Variants in INSYN2A observed in about 807,000 individuals in gnomAD.
INSYN2A encodes family with sequence similarity 196 member A.
A neutral mutation model predicts 39.4 loss-of-function variants in INSYN2A; 17 were observed. The observed-to-expected ratio is 0.43, with a 90% CI of 0.30 to 0.65. The LOEUF (loss-of-function observed/expected upper bound fraction) is 0.65, where lower values mean the gene tolerates loss of function less well. INSYN2A is among the 30% of genes least tolerant of loss of function. The pLI, the probability that INSYN2A is intolerant of heterozygous loss-of-function variation, is 0.14. For synonymous variants in INSYN2A, 255 were observed against 265.7 expected (o/e 0.96, Z 0.39); for missense variants, 595 against 631.2 (o/e 0.94, Z 0.61).
chr10:127,136,454 A>C lies in INSYN2A; in HGVS notation c.*1383T>G, dbSNP rs1268262293. On this transcript the variant is annotated 3_prime_UTR_variant, in exon 6 of 6. Coordinates refer to ENST00000522781, the MANE Select transcript of INSYN2A (RefSeq NM_001039762.3). ...AGACTAGGTTTTCCTGTATGCTCAC[A>C]AACTATTCAAAATTTAAGTTGTACA... The C allele has an allele frequency of 6.6e-6, 1 of 151,320 alleles. No homozygotes were observed. Among genetic ancestry groups the C allele is most frequent in the African/African-American group, 2.5e-5 (1 of 40,684 alleles). The allele number at this position is 151,320 out of a possible 1,614,324, so 9.4% of individuals were successfully genotyped here. A position where few individuals can be genotyped will look rare whatever the true frequency, so the allele number is the denominator to read the frequency against.
At chr10:127,188,976 G>A (rs542207761) in intron 2 of INSYN2A, among the ~76,000 whole-genome samples, 5 of 152,290 alleles carry the variant, frequency 3.3e-5, no homozygotes, top group East Asian at 3.9e-4. Context: ...GCACCACCAC[G>A]CTGCACTCCA....
At chr10:127,147,992 C>T (rs1379266490) in intron 5 of INSYN2A, among the ~76,000 whole-genome samples, 1 of 128,560 alleles carries the variant, frequency 7.8e-6, no homozygotes, top group Admixed American at 9.9e-5. Context: ...GATTGCACCA[C>T]TGCACTCCAG....
intron 4 of INSYN2A, among the ~76,000 whole-genome samples, chr10:127,169,986 AG>A (rs1226814328): frequency 2.0e-5 from 3 of 151,904 alleles, no homozygotes; most frequent in Non-Finnish European, 4.4e-5. Flanking sequence ...CCCTGAACTC[AG>A]GGGGTTCCTT....
intron 5 of INSYN2A, among the ~76,000 whole-genome samples, chr10:127,138,232 T>A (rs775522198): frequency 1.3e-4 from 20 of 152,226 alleles, no homozygotes; most frequent in Non-Finnish European, 4.4e-5. Flanking sequence ...CTTACTTGCT[T>A]CTGTAGGTGA....
chr10:127,185,562 A>G (rs2056155109), intron 2 of INSYN2A, among the ~76,000 whole-genome samples: 1 of 152,206 alleles, frequency 6.6e-6, no homozygotes, highest in African/African-American at 2.4e-5. Context: ...GAGATACAGC[A>G]AGAAGACTTA....
intron 1 of INSYN2A, 25 bp downstream of exon 1, chr10:127,195,971 AG>A (rs1202578778): frequency 6.6e-6 from 1 of 151,894 alleles, no homozygotes; most frequent in Non-Finnish European, 1.5e-5. Flanking sequence ...GGGGCGCGGG[AG>A]GAGGGCACGC....
At chr10:127,154,622 C>T (rs1223198771) in intron 4 of INSYN2A, among the ~76,000 whole-genome samples, 3 of 152,176 alleles carry the variant, frequency 2.0e-5, no homozygotes, top group Non-Finnish European at 2.9e-5. Flanking sequence ...AAATGCCAAG[C>T]CTTATGTTAG....
At chr10:127,152,146 C>T (rs2052559307) in intron 5 of INSYN2A, among the ~76,000 whole-genome samples, 2 of 152,194 alleles carry the variant, frequency 1.3e-5, no homozygotes, top group Non-Finnish European at 1.5e-5. Flanking sequence ...TGAGCTTTAG[C>T]TTCCAAACTA....
intron 2 of INSYN2A, among the ~76,000 whole-genome samples, chr10:127,189,349 C>A (rs1174653658): frequency 6.6e-6 from 1 of 152,176 alleles, no homozygotes. Context: ...CAGTAGTTGA[C>A]CTGCCCAGTG....
intron 5 of INSYN2A, among the ~76,000 whole-genome samples, chr10:127,144,682 A>G (rs966613027): frequency 2.0e-5 from 3 of 152,216 alleles, no homozygotes; most frequent in African/African-American, 7.2e-5. Context: ...TACATTAAAT[A>G]TATATGGATC....
intron 5 of INSYN2A, chr10:127,145,922 G>A (rs1354977477): frequency 2.0e-6 from 1 of 494,690 alleles, no homozygotes; most frequent in Non-Finnish European, 4.0e-6. Context: ...ATTCCTGCAG[G>A]AGGTCCCTTC....
At chr10:127,171,110 T>C (rs757083044) in intron 4 of INSYN2A, among the ~76,000 whole-genome samples, 6 of 152,314 alleles carry the variant, frequency 3.9e-5, no homozygotes, top group Non-Finnish European at 8.8e-5. Context: ...CTAGTTGATT[T>C]CAGACAAAAT....
rs1436172222 is a variant in INSYN2A at position 127,135,905 on chromosome 10, A to G, written c.*1932T>C. On this transcript the variant is annotated 3_prime_UTR_variant, in exon 6 of 6. Transcript: ENST00000522781. ...CATAAGGAGAGAGAACTTGTTGGAA[A>G]CATTTTTATAACTTTAGTTAAAAAC... The G allele has an allele frequency of 6.6e-6, 1 of 152,668 alleles. No individual in the cohort carries two copies. The highest frequency in any genetic ancestry group is 2.1e-4 in the South Asian group (1 of 4,838). 9.5% of individuals were successfully genotyped at this position (152,668 alleles called of 1,614,324 possible). A position where few individuals can be genotyped will look rare whatever the true frequency, so the allele number is the denominator to read the frequency against.
intron 5 of INSYN2A, among the ~76,000 whole-genome samples, chr10:127,140,992 A>G (rs2051187933): frequency 6.6e-6 from 1 of 152,142 alleles, no homozygotes; most frequent in South Asian, 2.1e-4. Flanking sequence ...GCTGCCCGGC[A>G]GACCTGTGGT....
intron 2 of INSYN2A, among the ~76,000 whole-genome samples, chr10:127,184,337 A>C: frequency 7.4e-6 from 1 of 134,438 alleles, no homozygotes; most frequent in African/African-American, 2.8e-5. Context: ...AATCCCCCAA[A>C]TCAGTCGTCA....
intron 5 of INSYN2A, among the ~76,000 whole-genome samples, chr10:127,145,432 G>A (rs1194212230): frequency 6.6e-6 from 1 of 152,214 alleles, no homozygotes; most frequent in African/African-American, 2.4e-5. Flanking sequence ...GTAGCCTGCA[G>A]AACACTGCTG....
intron 5 of INSYN2A, among the ~76,000 whole-genome samples, chr10:127,145,361 T>C (rs949296275): frequency 3.9e-5 from 6 of 152,092 alleles, no homozygotes; most frequent in African/African-American, 1.2e-4. Context: ...TCTTATGCCA[T>C]CCCCCTAGGA....
chr10:127,145,570 G>C (rs901430686), intron 5 of INSYN2A, among the ~76,000 whole-genome samples: 1 of 152,262 alleles, frequency 6.6e-6, no homozygotes, highest in Middle Eastern at 3.4e-3. Context: ...TGAGTCCCTC[G>C]TGGCCAACCC....
chr10:127,170,721 G>A (rs191913003), intron 4 of INSYN2A, among the ~76,000 whole-genome samples: 2 of 152,212 alleles, frequency 1.3e-5, no homozygotes, highest in South Asian at 2.1e-4. Context: ...AATTGATTGG[G>A]TTTTTTAAAT....
Sources: gnomAD v4.1 joint callset for allele counts (sites outside exome capture counted in the v4.1 genomes callset) on GRCh38, gnomAD v4.1.1 for gene constraint, MANE v1.5 for transcripts, NCBI Gene and HGNC (gene_info 2026-07-23, HGNC 2026-07-21) for gene names.